UBR3: variants seen among roughly 807,000 people sequenced by gnomAD.
UBR3 encodes E3 ubiquitin-protein ligase UBR3.
UBR3 carries 85 observed loss-of-function variants against 243.2 expected under a neutral mutation model. That is an observed-to-expected ratio of 0.35 (90% confidence interval 0.29 to 0.42). The LOEUF is 0.42. Ranked by LOEUF, UBR3 falls within the 10% of genes least tolerant of loss-of-function variation. The pLI is 1.00. For missense variants in UBR3, 1,686 were observed against 2,300.8 expected (o/e 0.73, Z 5.47); for synonymous variants, 748 against 799.8 (o/e 0.94, Z 1.09).
At chr2:170,080,267 T>G (rs1002789869) in intron 37 of UBR3, 4 of 567,588 alleles carry the variant, frequency 7.0e-6, no homozygotes, top group African/African-American at 1.9e-5. Context: ...TAATGGTATG[T>G]ACTTTGGAAT....
chr2:170,022,432 C>G (rs2090415804), intron 30 of UBR3, among the ~76,000 whole-genome samples: 1 of 152,148 alleles, frequency 6.6e-6, no homozygotes, highest in Admixed American at 6.6e-5. Flanking sequence ...AGCAACACTT[C>G]CCCACTCTAT....
chr2:169,878,178 A>G (rs939424348), intron 4 of UBR3, among the ~76,000 whole-genome samples: 1 of 152,190 alleles, frequency 6.6e-6, no homozygotes, highest in Non-Finnish European at 1.5e-5. Flanking sequence ...AATGGCCAAC[A>G]TGGTGAAACC....
intron 24 of UBR3, among the ~76,000 whole-genome samples, chr2:169,977,901 A>G (rs1287410835): frequency 6.6e-6 from 1 of 152,126 alleles, no homozygotes; most frequent in Non-Finnish European, 1.5e-5. Flanking sequence ...CTGCATTGAT[A>G]TCTGTACATC....
rs762191758 is a variant in UBR3 at position 170,040,939 on chromosome 2, C to T, written c.4614C>T (p.Ser1538=). The change falls in exon 32 of 39, where the codon TCC becomes TCT. Residue 1538 remains serine, a synonymous_variant. Transcript: ENST00000272793. ...EVPILYHDVT[S]LLLIQILMMP... The stretch of plus-strand genomic sequence containing the variant: ...CAATTCTTTATCATGATGTAACATC[C>T]CTTTTGCTCATCCAGATCTTAATGA... 1.9e-6 allele frequency: 3 copies of T among 1,613,366 alleles called. No individual in the cohort carries two copies. The South Asian group carries it at 3.3e-5, about 18-fold the overall frequency.
intron 6 of UBR3, among the ~76,000 whole-genome samples, chr2:169,892,297 T>C (rs1010619628): frequency 2.6e-5 from 4 of 152,190 alleles, no homozygotes; most frequent in African/African-American, 9.7e-5. Context: ...GCTCTTTAAC[T>C]TATCAGATAT....
At chr2:169,836,647 A>C (rs1558999929) in intron 1 of UBR3, among the ~76,000 whole-genome samples, 2 of 151,986 alleles carry the variant, frequency 1.3e-5, no homozygotes, top group East Asian at 1.9e-4. Context: ...AAAAAAAAAA[A>C]AACCAAAAGA....
At chr2:169,841,782 C>T (rs963189937) in intron 1 of UBR3, among the ~76,000 whole-genome samples, 3 of 152,246 alleles carry the variant, frequency 2.0e-5, no homozygotes, top group Non-Finnish European at 2.9e-5. Context: ...GGGCAGGGCT[C>T]GGGACCTGCA....
intron 24 of UBR3, among the ~76,000 whole-genome samples, chr2:169,965,895 T>A (rs2087785036): frequency 6.6e-6 from 1 of 152,150 alleles, no homozygotes; most frequent in African/African-American, 2.4e-5. Flanking sequence ...GTCTATATCT[T>A]TGTATATAAC....
At chr2:170,018,991 AATT>A (rs568466486) in intron 30 of UBR3, among the ~76,000 whole-genome samples, 2 of 152,180 alleles carry the variant, frequency 1.3e-5, no homozygotes, top group Non-Finnish European at 2.9e-5. Context: ...CCATTTGATA[AATT>A]ATTAATATTG....
chr2:169,914,393 A>G (rs141343005), intron 11 of UBR3, among the ~76,000 whole-genome samples: 2 of 152,254 alleles, frequency 1.3e-5, no homozygotes, highest in Non-Finnish European at 2.9e-5. Context: ...GAGTGGCATG[A>G]TTTGTTTTTC....
chr2:169,987,347 T>G (rs1273280497), intron 25 of UBR3, among the ~76,000 whole-genome samples: 1 of 147,082 alleles, frequency 6.8e-6, no homozygotes, highest in Non-Finnish European at 1.5e-5. Context: ...GAGCTGAGAT[T>G]GTACCACTGC....
chr2:169,974,130 T>G (rs1574319150), intron 24 of UBR3, among the ~76,000 whole-genome samples: 1 of 152,180 alleles, frequency 6.6e-6, no homozygotes, highest in Admixed American at 6.5e-5. Flanking sequence ...TATTGGCTTA[T>G]AGTTTTTTTG....
At chr2:169,960,908 C>T (rs1168832263) in intron 24 of UBR3, among the ~76,000 whole-genome samples, 1 of 152,078 alleles carries the variant, frequency 6.6e-6, no homozygotes, top group Non-Finnish European at 1.5e-5. Flanking sequence ...TCCAGTGGCT[C>T]AACTCCTGGA....
At chr2:170,061,210 G>A (rs1438320975) in intron 34 of UBR3, 24 bp downstream of exon 34, 3 of 1,581,878 alleles carry the variant, frequency 1.9e-6, no homozygotes, top group Non-Finnish European at 2.6e-6. Flanking sequence ...AAAATCAGAT[G>A]TAGCGGTTAT....
intron 1 of UBR3, among the ~76,000 whole-genome samples, chr2:169,856,375 C>A (rs1325841016): frequency 1.3e-5 from 2 of 151,718 alleles, no homozygotes; most frequent in East Asian, 3.9e-4. Flanking sequence ...AGGGGCTCCT[C>A]ACATCCCAGA....
intron 33 of UBR3, 148 bp downstream of exon 33, chr2:170,055,732 T>C: frequency 1.0e-6 from 1 of 959,514 alleles, no homozygotes; most frequent in Non-Finnish European, 1.5e-6. Context: ...ATGTTTAAAA[T>C]GTTTTCACTA....
intron 1 of UBR3, among the ~76,000 whole-genome samples, chr2:169,828,850 A>C (rs1023597248): frequency 2.0e-5 from 3 of 152,238 alleles, no homozygotes; most frequent in African/African-American, 7.2e-5. Flanking sequence ...AAAAGGAGAC[A>C]ACAAATGCCC....
At chr2:169,887,798 C>T (rs1325722023) in intron 5 of UBR3, among the ~76,000 whole-genome samples, 17 of 148,558 alleles carry the variant, frequency 1.1e-4, no homozygotes, top group African/African-American at 1.5e-4. Flanking sequence ...TTTTTTGAGA[C>T]GGAGTTTTGC....
At chr2:170,061,494 GTCTC>G in intron 35 of UBR3, 51 bp downstream of exon 35, 3 of 1,591,092 alleles carry the variant, frequency 1.9e-6, no homozygotes, top group Non-Finnish European at 2.6e-6. Context: ...TTCAGATGGA[GTCTC>G]TCTCTGTTGC....
Sources: gnomAD v4.1 joint callset for allele counts (sites outside exome capture counted in the v4.1 genomes callset) on GRCh38, gnomAD v4.1.1 for gene constraint, MANE v1.5 for transcripts, NCBI Gene and HGNC (gene_info 2026-07-23, HGNC 2026-07-21) for gene names.